The following SLC16A10 variants were observed in gnomAD, a reference collection of about 807,000 sequenced individuals.
SLC16A10 encodes solute carrier family 16 member 10.
SLC16A10 carries 27 observed loss-of-function variants against 40.0 expected under a neutral mutation model. The ratio of observed to expected loss-of-function variants is 0.67; its 90% CI spans 0.50 to 0.93. The LOEUF is 0.93. SLC16A10 is among the 40% of genes least tolerant of loss of function. The probability of loss-of-function intolerance (pLI) is 0.00; values close to 1 mark genes in which losing one functional copy is unlikely to be tolerated. For missense variants in SLC16A10, 529 were observed against 658.2 expected, an observed-to-expected ratio of 0.80 and a Z score of 2.15; for synonymous variants, 213 against 249.8, an observed-to-expected ratio of 0.85 and a Z score of 1.39.
intron 3 of SLC16A10, among the ~76,000 whole-genome samples, chr6:111,199,289 G>C (rs1418642154): frequency 6.6e-6 from 1 of 151,974 alleles, no homozygotes; most frequent in African/African-American, 2.4e-5. Flanking sequence ...GTGAAACTCT[G>C]TCTCTGCTAA....
intron 1 of SLC16A10, among the ~76,000 whole-genome samples, chr6:111,106,806 C>A (rs555006154): frequency 2.6e-5 from 4 of 152,198 alleles, no homozygotes; most frequent in Non-Finnish European, 4.4e-5. Flanking sequence ...GTTTATGGAA[C>A]AACAGTGAAA....
chr6:111,120,741 C>G (rs1016550288), intron 1 of SLC16A10, among the ~76,000 whole-genome samples: 1 of 152,090 alleles, frequency 6.6e-6, no homozygotes, highest in East Asian at 1.9e-4. Flanking sequence ...AACATCATAT[C>G]ATAGTGTTGG....
chr6:111,124,419 A>C (rs1057051052), intron 1 of SLC16A10, among the ~76,000 whole-genome samples: 5 of 151,278 alleles, frequency 3.3e-5, no homozygotes, highest in African/African-American at 1.2e-4. Flanking sequence ...GCAGTGGTGC[A>C]ATCATGGCCA....
intron 1 of SLC16A10, among the ~76,000 whole-genome samples, chr6:111,148,594 G>A (rs996570427): frequency 6.6e-6 from 1 of 152,186 alleles, no homozygotes; most frequent in Admixed American, 6.5e-5. Flanking sequence ...AGGCTTGTTT[G>A]TGCATGACAA....
intron 1 of SLC16A10, among the ~76,000 whole-genome samples, chr6:111,093,917 G>C (rs775172187): frequency 6.6e-6 from 1 of 152,122 alleles, no homozygotes. Flanking sequence ...TGGTATGGGC[G>C]TTTCATACTT....
At chr6:111,175,634 G>A (rs1772666166) in intron 2 of SLC16A10, among the ~76,000 whole-genome samples, 1 of 152,036 alleles carries the variant, frequency 6.6e-6, no homozygotes, top group Admixed American at 6.6e-5. Flanking sequence ...GTTTTGTTCT[G>A]TGTTATTATT....
At chr6:111,128,120 C>A (rs1052269393) in intron 1 of SLC16A10, among the ~76,000 whole-genome samples, 1 of 152,150 alleles carries the variant, frequency 6.6e-6, no homozygotes, top group South Asian at 2.1e-4. Context: ...AACAGGGTTT[C>A]ATTTCCTTGG....
At chr6:111,221,802 TC>T (rs1355868334) in intron 5 of SLC16A10, among the ~76,000 whole-genome samples, 200 bp from the exon 6 acceptor site, 1 of 151,426 alleles carries the variant, frequency 6.6e-6, no homozygotes, top group African/African-American at 2.4e-5. Flanking sequence ...GGTATGAAAA[TC>T]CAGAGGACTG....
chr6:111,148,532 G>A (rs1188160142), intron 1 of SLC16A10, among the ~76,000 whole-genome samples: 1 of 152,204 alleles, frequency 6.6e-6, no homozygotes, highest in Non-Finnish European at 1.5e-5. Flanking sequence ...ATAGAAATCT[G>A]CCTGTTAGGT....
chr6:111,157,452 T>G (rs767724571), intron 1 of SLC16A10, among the ~76,000 whole-genome samples: 82 of 152,074 alleles, frequency 5.4e-4, no homozygotes, highest in Non-Finnish European at 9.9e-4. Flanking sequence ...CCCAGCTAAT[T>G]TTTTGTATTT....
In SLC16A10 at chr6:111,134,167, T is replaced by C. The variant is rs183369499; in HGVS notation, c.344-38528T>C. ...GGCAGCAGGCAGTTCCCAGTGTAGC[T>C]CCTCATTGGGACACAGAATCAGAAG... On this transcript the variant is annotated intron_variant, in intron 1 of 5. Transcript: ENST00000368851. Among the ~76,000 whole-genome samples, 424 of 152,266 alleles carry C rather than the reference T, an allele frequency of 2.8e-3. 2 individuals are homozygous for C. The highest frequency in any genetic ancestry group is 8.9e-3 in the African/African-American group (371 of 41,552).
intron 1 of SLC16A10, among the ~76,000 whole-genome samples, chr6:111,149,373 C>G (rs1307734596): frequency 6.6e-6 from 1 of 152,196 alleles, no homozygotes; most frequent in African/African-American, 2.4e-5. Context: ...ACTGTCATGA[C>G]TCTCCTATTC....
chr6:111,222,179 T>A lies in SLC16A10; in HGVS notation c.1492T>A (p.Ser498Thr). ...GGAGAAAATGTTGGAAAACCAGAAC[T>A]CTCTGCTGTCAAGTTCATCTGGAAT... Reference protein sequence around the residue: ...KMEKMLENQNSLLSSSSGMFK... With the variant: ...KMEKMLENQNTLLSSSSGMFK... The change falls in exon 6 of 6, where the codon TCT becomes ACT. Residue 498 changes from serine to threonine, a missense_variant. Ser to Thr is a moderately conservative substitution (Grantham distance 58). Transcript: ENST00000368851. 3.1e-6 allele frequency: 5 copies of A among 1,607,096 alleles called. No homozygotes were observed. The highest frequency in any genetic ancestry group is 4.2e-6 in the Non-Finnish European group (5 of 1,178,026).
At chr6:111,116,484 C>T (rs1771489483) in intron 1 of SLC16A10, among the ~76,000 whole-genome samples, 1 of 152,120 alleles carries the variant, frequency 6.6e-6, no homozygotes, top group African/African-American at 2.4e-5. Context: ...TCCCAAAGTG[C>T]TGGGATTACA....
chr6:111,120,862 TGTTAGG>T (rs1284745692), intron 1 of SLC16A10, among the ~76,000 whole-genome samples: 1 of 152,208 alleles, frequency 6.6e-6, no homozygotes, highest in African/African-American at 2.4e-5. Flanking sequence ...TATCTTAAGG[TGTTAGG>T]GTTATTTTTA....
chr6:111,213,186 T>C (rs1217254932), intron 4 of SLC16A10, among the ~76,000 whole-genome samples: 2 of 152,198 alleles, frequency 1.3e-5, no homozygotes, highest in Non-Finnish European at 2.9e-5. Context: ...ATGGACATCA[T>C]GTCCATGCAC....
chr6:111,209,057 G>C (rs1170923381), intron 4 of SLC16A10, among the ~76,000 whole-genome samples: 2 of 151,828 alleles, frequency 1.3e-5, no homozygotes, highest in African/African-American at 2.4e-5. Context: ...ATTGTTTTAA[G>C]TTAGCCAGGC....
intron 3 of SLC16A10, among the ~76,000 whole-genome samples, chr6:111,189,900 T>A (rs1383072141): frequency 2.6e-5 from 4 of 152,298 alleles, no homozygotes; most frequent in Admixed American, 6.5e-5. Context: ...ATTCTGCCCC[T>A]GGCTCCTCCC....
At chr6:111,141,579 T>A (rs1465772271) in intron 1 of SLC16A10, among the ~76,000 whole-genome samples, 4 of 152,110 alleles carry the variant, frequency 2.6e-5, no homozygotes, top group Non-Finnish European at 5.9e-5. Flanking sequence ...GGAGAATCAC[T>A]TGAACCAGGG....
Sources: gnomAD v4.1 joint callset for allele counts (sites outside exome capture counted in the v4.1 genomes callset) on GRCh38, gnomAD v4.1.1 for gene constraint, MANE v1.5 for transcripts, NCBI Gene and HGNC (gene_info 2026-07-23, HGNC 2026-07-21) for gene names.